COL21A1: variants seen among roughly 807,000 people sequenced by gnomAD.
The protein encoded by COL21A1 is collagen alpha-1(XXI) chain.
In COL21A1, 149 loss-of-function variants were observed where a neutral mutation model predicts 137.9. The ratio of observed to expected loss-of-function variants is 1.08; its 90% CI spans 0.95 to 1.24. COL21A1 has a LOEUF of 1.24. Among genes scored for constraint, COL21A1 ranks in the 50% most tolerant of loss-of-function variants. The pLI, the probability that COL21A1 is intolerant of heterozygous loss-of-function variation, is 0.00. For synonymous variants in COL21A1, 456 were observed against 391.5 expected (o/e 1.16, Z -1.95); for missense variants, 1,167 against 1,158.4 (o/e 1.01, Z -0.11).
intron 16 of COL21A1, among the ~76,000 whole-genome samples, chr6:56,104,177 T>G (rs1027823790): frequency 6.6e-6 from 1 of 152,150 alleles, no homozygotes; most frequent in African/African-American, 2.4e-5. Flanking sequence ...ATACTTAGAC[T>G]AGTGCCAAAC....
Position 56,177,791 on chromosome 6 carries a change from CA to C in COL21A1, c.640+1786del, listed in dbSNP as rs3065941. 0.011 allele frequency among the ~76,000 whole-genome samples: 797 copies of C among 69,316 alleles called. 26 individuals are homozygous for C. The Admixed American group carries it at 0.12, about 10-fold the overall frequency. The allele number at this position is 69,316 out of a possible 152,430, so 45.5% of individuals were successfully genotyped here. On this transcript the variant is annotated intron_variant, in intron 3 of 29. Transcript: ENST00000244728. ...TGGGTGACAGAGCGAGACTCTGCCT[CA>C]AAAAAAAAAAAAAAAAAAAAAGTCG...
At chr6:56,078,366 C>T (rs554323378) in intron 17 of COL21A1, among the ~76,000 whole-genome samples, 1 of 151,674 alleles carries the variant, frequency 6.6e-6, no homozygotes, top group East Asian at 1.9e-4. Context: ...ATTCCATTTT[C>T]TTAGCACCTA....
At chr6:56,142,149 C>T (rs1446586542) in intron 10 of COL21A1, among the ~76,000 whole-genome samples, 166 bp from the exon 11 acceptor site, 1 of 151,856 alleles carries the variant, frequency 6.6e-6, no homozygotes, top group East Asian at 1.9e-4. Flanking sequence ...GAATTCATAC[C>T]CTTTGATCTT....
intron 16 of COL21A1, among the ~76,000 whole-genome samples, chr6:56,117,095 T>C (rs938364801): frequency 4.6e-5 from 7 of 152,008 alleles, no homozygotes; most frequent in Admixed American, 2.6e-4. Context: ...AGGTCCTTAC[T>C]TATAAATAAT....
At chr6:56,240,078 G>T (rs577588154) in intron 1 of COL21A1, among the ~76,000 whole-genome samples, 1 of 151,816 alleles carries the variant, frequency 6.6e-6, no homozygotes, top group Non-Finnish European at 1.5e-5. Flanking sequence ...TTCTCTGTCT[G>T]CCACCAGGCA....
intron 1 of COL21A1, among the ~76,000 whole-genome samples, chr6:56,307,203 TC>T (rs1413060356): frequency 1.3e-5 from 2 of 152,226 alleles, no homozygotes; most frequent in Non-Finnish European, 2.9e-5. Flanking sequence ...CTGTCCGTTC[TC>T]AGATCTCCAG....
In COL21A1 at chr6:56,056,971, T is replaced by C. The variant is rs1165549245; in HGVS notation, c.*686A>G. 1 of 152,204 alleles carries C rather than the reference T, an allele frequency of 6.6e-6. No individual in the cohort carries two copies. The highest frequency in any genetic ancestry group is 1.5e-5 in the Non-Finnish European group (1 of 68,036). The allele number at this position is 152,204 out of a possible 1,614,324, so 9.4% of individuals were successfully genotyped here. On this transcript the variant is annotated 3_prime_UTR_variant, in exon 30 of 30. Transcript: ENST00000244728. ...TTCTTTGAATGTACAATGAAACTTTTTGTCTAAAATGTTTTTAATGTTAAT... is the reference window on the plus strand; with the variant it reads ...TTCTTTGAATGTACAATGAAACTTTCTGTCTAAAATGTTTTTAATGTTAAT...
chr6:56,077,382 T>A, intron 18 of COL21A1, 147 bp downstream of exon 18: 1 of 598,756 alleles, frequency 1.7e-6, no homozygotes, highest in Non-Finnish European at 2.9e-6. Context: ...TATATACAAA[T>A]TTGTAAAGCC....
In COL21A1 at chr6:56,380,851, TA is replaced by T. The variant is rs549725065; in HGVS notation, c.-39+13119del. On this transcript the variant is annotated intron_variant, in intron 1 of 28. Transcript: ENST00000370819. ...AGATAAGCTTCTTTAATGCATGAGT[TA>T]TAGCACTGTTGGCCATGAGTTCAAT... Among the ~76,000 whole-genome samples, 86 of 152,316 alleles carry T rather than the reference TA, an allele frequency of 5.6e-4. No individual in the cohort carries two copies. The Middle Eastern group carries it at 0.017, about 30-fold the overall frequency.
intron 1 of COL21A1, among the ~76,000 whole-genome samples, chr6:56,228,482 A>G (rs1487528638): frequency 6.6e-6 from 1 of 151,608 alleles, no homozygotes; most frequent in African/African-American, 2.4e-5. Context: ...GGAAATATAA[A>G]CCAAATTTTC....
chr6:56,249,538 GGAATGAAACACTACATGCTAAA>G (rs1782803266), upstream of COL21A1, among the ~76,000 whole-genome samples: 1 of 152,110 alleles, frequency 6.6e-6, no homozygotes, highest in South Asian at 2.1e-4. Context: ...GACATAAAAA[GGAATGAAACACTACATGCTAAA>G]TCATGGTTGA....
At chr6:56,165,739 T>A (rs1186494816) in intron 7 of COL21A1, among the ~76,000 whole-genome samples, 12 of 152,194 alleles carry the variant, frequency 7.9e-5, no homozygotes. Context: ...GTTATTCCAT[T>A]TGATGGGAAA....
intron 1 of COL21A1, among the ~76,000 whole-genome samples, chr6:56,327,893 G>A (rs922153499): frequency 1.3e-5 from 2 of 152,000 alleles, no homozygotes; most frequent in African/African-American, 2.4e-5. Flanking sequence ...CTCACAATGG[G>A]ACTAACCCAG....
chr6:56,353,402 A>G (rs1198832935), intron 1 of COL21A1, among the ~76,000 whole-genome samples: 1 of 152,096 alleles, frequency 6.6e-6, no homozygotes, highest in African/African-American at 2.4e-5. Flanking sequence ...TCCAGCTTCC[A>G]GCTATTTGAG....
At chr6:56,229,630 C>T (rs1375443275) in intron 1 of COL21A1, among the ~76,000 whole-genome samples, 1 of 151,904 alleles carries the variant, frequency 6.6e-6, no homozygotes, top group Non-Finnish European at 1.5e-5. Context: ...AGTGGCTCTG[C>T]TCCACATTCC....
chr6:56,248,199 T>G (rs1163204069), upstream of COL21A1, among the ~76,000 whole-genome samples: 1 of 152,224 alleles, frequency 6.6e-6, no homozygotes, highest in Non-Finnish European at 1.5e-5. Flanking sequence ...AACATTCATA[T>G]GCTTTCCCTA....
intron 1 of COL21A1, among the ~76,000 whole-genome samples, chr6:56,369,522 C>A (rs547643733): frequency 2.0e-5 from 3 of 151,922 alleles, no homozygotes; most frequent in African/African-American, 7.3e-5. Context: ...AGAAAAAAAA[C>A]TGATGTATGT....
chr6:56,173,087 C>A (rs1029954121), intron 3 of COL21A1, among the ~76,000 whole-genome samples: 12 of 152,104 alleles, frequency 7.9e-5, no homozygotes, highest in Non-Finnish European at 1.6e-4. Flanking sequence ...ACTCCTTAAT[C>A]AAAGTACATA....
In COL21A1 at chr6:56,124,271, T is replaced by C; in HGVS notation, c.1672A>G (p.Asn558Asp). The C allele has an allele frequency of 1.9e-6, 3 of 1,604,668 alleles. No homozygotes were observed. The highest frequency in any genetic ancestry group is 1.7e-6 in the Non-Finnish European group (2 of 1,175,266). Residue 558 changes from asparagine to aspartate, a missense_variant, in exon 15 of 30, where the codon AAT becomes GAT. Asn to Asp is a conservative substitution (Grantham distance 23). Transcript: ENST00000244728. ...CCAGGGAGGCCAGGGAAGCCAGCAT[T>C]CCCCTTTTCACCTTTTGCACCCTGT... ...GKKGAKGEKGNAGFPGLPGPA... is the reference protein window; with the variant it reads ...GKKGAKGEKGDAGFPGLPGPA...
Sources: allele counts gnomAD v4.1 joint callset (sites outside exome capture counted in the v4.1 genomes callset), GRCh38; gene constraint gnomAD v4.1.1; transcripts MANE v1.5; gene names NCBI Gene and HGNC (gene_info 2026-07-23, HGNC 2026-07-21).